TMPRSS15: variants seen among roughly 807,000 people sequenced by gnomAD.
The protein encoded by TMPRSS15 is enteropeptidase.
TMPRSS15 carries 128 observed loss-of-function variants against 125.3 expected under a neutral mutation model. The observed-to-expected ratio is 1.02, with a 90% confidence interval of 0.89 to 1.18. The LOEUF is 1.18. TMPRSS15 is among the 50% of genes most tolerant of loss of function. TMPRSS15 has a pLI of 0.00. For missense variants in TMPRSS15, 1,283 were observed against 1,212.7 expected, an observed-to-expected ratio of 1.06 and a Z score of -0.86; for synonymous variants, 446 against 423.2, an observed-to-expected ratio of 1.05 and a Z score of -0.66.
intron 10 of TMPRSS15, among the ~76,000 whole-genome samples, chr21:18,345,542 C>T (rs1046919779): frequency 3.3e-5 from 5 of 150,398 alleles, no homozygotes; most frequent in African/African-American, 9.8e-5. Context: ...GAGATCCAGA[C>T]CATCCTGGCT....
At chr21:18,449,970 G>A (rs1226330213) in intron 1 of TMPRSS15, among the ~76,000 whole-genome samples, 1 of 151,722 alleles carries the variant, frequency 6.6e-6, no homozygotes, top group Non-Finnish European at 1.5e-5. Context: ...GAAAATATAT[G>A]TAGCACTTAT....
intron 3 of TMPRSS15, among the ~76,000 whole-genome samples, chr21:18,391,738 C>G (rs1601429897): frequency 1.3e-5 from 2 of 152,336 alleles, no homozygotes; most frequent in Admixed American, 6.5e-5. Context: ...TGTGGGGGCT[C>G]TAGCCACACA....
chr21:18,461,776 G>T (rs188855193), intron 1 of TMPRSS15, among the ~76,000 whole-genome samples: 25 of 151,714 alleles, frequency 1.6e-4, no homozygotes, highest in Non-Finnish European at 3.4e-4. Flanking sequence ...ACTTAAAGTC[G>T]ATTTATTTTC....
chr21:18,280,968 GATA>G (rs2074690521), intron 22 of TMPRSS15, 69 bp downstream of exon 22: 9 of 1,471,758 alleles, frequency 6.1e-6, no homozygotes, highest in African/African-American at 2.8e-5. Flanking sequence ...CATTGACATT[GATA>G]ATATTTGAAA....
chr21:18,417,585 T>C (rs1237369302), intron 1 of TMPRSS15, among the ~76,000 whole-genome samples: 1 of 152,204 alleles, frequency 6.6e-6, no homozygotes, highest in Non-Finnish European at 1.5e-5. Flanking sequence ...AGATTTGGTG[T>C]GCTCACAATT....
intron 16 of TMPRSS15, among the ~76,000 whole-genome samples, chr21:18,326,222 C>T (rs1489831220): frequency 1.3e-5 from 2 of 152,056 alleles, no homozygotes; most frequent in Non-Finnish European, 2.9e-5. Flanking sequence ...AGTAGGTCTG[C>T]TTAAAAACTT....
chr21:18,346,427 C>T (rs965261271), intron 10 of TMPRSS15, among the ~76,000 whole-genome samples: 1 of 152,096 alleles, frequency 6.6e-6, no homozygotes, highest in Non-Finnish European at 1.5e-5. Flanking sequence ...ACTAATTTTG[C>T]CTTGTGGGAC....
At chr21:18,436,196 C>T (rs1313292414) in intron 1 of TMPRSS15, among the ~76,000 whole-genome samples, 2 of 150,652 alleles carry the variant, frequency 1.3e-5, no homozygotes, top group Non-Finnish European at 3.0e-5. Context: ...TTTGCTCTTG[C>T]TTTTCTAGTT....
intron 18 of TMPRSS15, among the ~76,000 whole-genome samples, chr21:18,304,668 C>T (rs1201515695): frequency 6.6e-6 from 1 of 152,082 alleles, no homozygotes; most frequent in African/African-American, 2.4e-5. Flanking sequence ...ATTGCAGTTG[C>T]TAGATACATA....
chr21:18,474,201 T>C (rs1386638522), intron 1 of TMPRSS15, among the ~76,000 whole-genome samples: 4 of 152,116 alleles, frequency 2.6e-5, no homozygotes, highest in Non-Finnish European at 5.9e-5. Context: ...TCTCCATCTA[T>C]ATGTATATGT....
rs750700044 is a variant in TMPRSS15 at position 18,281,042 on chromosome 21, G to A, written c.2666C>T (p.Thr889Ile). 32 of 1,608,888 alleles carry A rather than the reference G, an allele frequency of 2.0e-5. No homozygotes were observed. Among genetic ancestry groups the A allele is most frequent in the Non-Finnish European group, 2.6e-5 (31 of 1,178,152 alleles). ...MMHLEFKVNY[T>I]DYIQPICLPE... Reference sequence around the variant, plus strand: ...TAAGAGTGATTTTTTTTTTTTACCTGTGTAATTCACTTTAAATTCCAGATG... The same window carrying A: ...TAAGAGTGATTTTTTTTTTTTACCTATGTAATTCACTTTAAATTCCAGATG... The change falls in exon 22 of 25, where the codon ACA becomes ATA. Residue 889 changes from threonine (T) to isoleucine (I), a missense_variant and splice_region_variant. Transcript: ENST00000284885.
chr21:18,413,541 C>G (rs889859084), intron 1 of TMPRSS15, among the ~76,000 whole-genome samples: 1 of 150,480 alleles, frequency 6.6e-6, no homozygotes. Flanking sequence ...CTCAGCCTCC[C>G]GAGTAGCTGG....
At chr21:18,360,056 T>TGC (rs2075665614) in intron 7 of TMPRSS15, among the ~76,000 whole-genome samples, 193 bp from the exon 8 acceptor site, 1 of 152,104 alleles carries the variant, frequency 6.6e-6, no homozygotes, top group South Asian at 2.1e-4. Context: ...TCTAGAACTC[T>TGC]TTCAGGACTG....
chr21:18,448,161 C>A (rs893246821), intron 1 of TMPRSS15, among the ~76,000 whole-genome samples: 1 of 152,060 alleles, frequency 6.6e-6, no homozygotes, highest in East Asian at 1.9e-4. Context: ...ATCTACATTT[C>A]TATGTTTATT....
At chr21:18,440,560 G>T (rs1488962502) in intron 1 of TMPRSS15, among the ~76,000 whole-genome samples, 1 of 151,706 alleles carries the variant, frequency 6.6e-6, no homozygotes, top group African/African-American at 2.4e-5. Flanking sequence ...TGAATTGTAG[G>T]ATCATATGGC....
intron 1 of TMPRSS15, among the ~76,000 whole-genome samples, chr21:18,444,908 G>T (rs2076251593): frequency 6.6e-6 from 1 of 152,048 alleles, no homozygotes. Context: ...CCCTCCATGA[G>T]ATAAACTTTC....
At chr21:18,308,591 A>G (rs1217871730) in intron 18 of TMPRSS15, among the ~76,000 whole-genome samples, 1 of 108,148 alleles carries the variant, frequency 9.2e-6, no homozygotes, top group Non-Finnish European at 2.0e-5. Context: ...AAAACTATAC[A>G]CTGAGACTTT....
chr21:18,332,271 T>C (rs1184665510), intron 13 of TMPRSS15, 98 bp from the exon 14 acceptor site: 17 of 1,141,406 alleles, frequency 1.5e-5, no homozygotes, highest in Non-Finnish European at 2.2e-5. Flanking sequence ...TTTCTTAGAA[T>C]ACAAATTTTG....
chr21:18,472,411 A>T (rs1382033216), intron 1 of TMPRSS15, among the ~76,000 whole-genome samples: 2 of 151,088 alleles, frequency 1.3e-5, no homozygotes, highest in Admixed American at 6.6e-5. Flanking sequence ...TATTTCTAAA[A>T]ATACAGGATA....
Sources: gnomAD v4.1 joint callset for allele counts (sites outside exome capture counted in the v4.1 genomes callset) on GRCh38, gnomAD v4.1.1 for gene constraint, MANE v1.5 for transcripts, NCBI Gene and HGNC (gene_info 2026-07-23, HGNC 2026-07-21) for gene names.